SPDYE4: variants seen among roughly 807,000 people sequenced by gnomAD.
The protein encoded by SPDYE4 is speedy protein E4.
A neutral mutation model predicts 37.5 loss-of-function variants in SPDYE4; 30 were observed. The observed-to-expected ratio is 0.80, with a 90% CI of 0.60 to 1.09. The LOEUF (loss-of-function observed/expected upper bound fraction) is 1.09, where lower values mean the gene tolerates loss of function less well. Among genes scored for constraint, SPDYE4 ranks in the 50% least tolerant of loss-of-function variants. SPDYE4 has a pLI of 0.00. For synonymous variants in SPDYE4, 131 were observed against 120.3 expected (o/e 1.09, Z -0.58); for missense variants, 300 against 307.9 (o/e 0.97, Z 0.19).
chr17:8,755,472 G>C (rs1243872250), intron 4 of SPDYE4, 48 bp downstream of exon 4: 1 of 1,589,626 alleles, frequency 6.3e-7, no homozygotes. Flanking sequence ...TTCGTCCACT[G>C]TCCCAGGGTG....
At position 8,755,513 on chromosome 17, in the gene SPDYE4, TACTC is replaced by T. The variant is rs1340274928; in HGVS notation, c.485+3_485+6del. On this transcript the variant is annotated splice_donor_5th_base_variant and intron_variant, in intron 4 of 6. Coordinates refer to ENST00000689094, the MANE Select transcript of SPDYE4 (RefSeq NM_001394956.1). The stretch of plus-strand genomic sequence containing the variant: ...TATTGACAGATGGGAAGAAGCAAAC[TACTC>T]ACAGAGCCAGGAAGAAATGAATGCG... 6.2e-7 allele frequency: 1 copy of T among 1,611,072 alleles called. No individual in the cohort carries two copies. Among genetic ancestry groups the T allele is most frequent in the South Asian group, 1.1e-5 (1 of 90,986 alleles).
chr17:8,758,358 G>A lies in SPDYE4; in HGVS notation c.25C>T (p.Pro9Ser), dbSNP rs923982978. Reference protein sequence around the residue: MASGQARPPFEEESPQPST... With the variant: MASGQARPSFEEESPQPST... ...GGCTGGGGGCTCTCCTCCTCAAACG[G>A]GGGGCGCGCTTGACCACTGGCCATA... Residue 9 changes from proline (P) to serine (S), a missense_variant, in exon 1 of 7, where the codon CCG (proline) becomes TCG (serine). Coordinates refer to ENST00000689094, the MANE Select transcript of SPDYE4 (RefSeq NM_001394956.1). 6.4e-7 allele frequency: 1 copy of A among 1,551,226 alleles called. No homozygotes were observed. The highest frequency in any genetic ancestry group is 2.0e-5 in the Admixed American group (1 of 50,974).
chr17:8,748,470 C>T (rs892312739), downstream of SPDYE4, among the ~76,000 whole-genome samples: 35 of 152,280 alleles, frequency 2.3e-4, no homozygotes, highest in South Asian at 1.0e-3. Flanking sequence ...GCAAATGGGC[C>T]CTCACCAGAC....
In SPDYE4 at chr17:8,755,571, C is replaced by T. The variant is rs571058685; in HGVS notation, c.434G>A (p.Arg145His). The change falls in exon 4 of 7, where the codon CGT becomes CAT. Residue 145 changes from arginine (R) to histidine (H), a missense_variant. Arg to His is a conservative substitution (Grantham distance 29). Transcript: ENST00000689094. Reference protein sequence around the residue: ...LLAMVIAYFSRAGLFSWQYQR... With the variant: ...LLAMVIAYFSHAGLFSWQYQR... The stretch of plus-strand genomic sequence containing the variant: ...GTATTGCCACGAGAAGAGGCCGGCA[C>T]GGCTAAAATACGCTATGACCATAGC... 1.8e-5 allele frequency: 29 copies of T among 1,612,498 alleles called. No individual in the cohort carries two copies. Among genetic ancestry groups the T allele is most frequent in the Middle Eastern group, 1.9e-4 (1 of 5,330 alleles).
chr17:8,756,029 A>C lies in SPDYE4; in HGVS notation c.399+349T>G, dbSNP rs571150289. On this transcript the variant is annotated intron_variant, in intron 3 of 6. Transcript: ENST00000689094. ...CATCAACTATGCAACAGGCTACCAG[A>C]GCCCCGAGGGAGATGCTGACAAATT... Among the ~76,000 whole-genome samples, 3 of 152,220 alleles carry C rather than the reference A, an allele frequency of 2.0e-5. No homozygotes were observed. The South Asian group carries it at 6.2e-4, about 32-fold the overall frequency.
Position 8,753,123 on chromosome 17 carries a change from C to T in SPDYE4, c.*15G>A. 6.2e-7 allele frequency: 1 copy of T among 1,614,054 alleles called. No homozygotes were observed. The highest frequency in any genetic ancestry group is 8.5e-7 in the Non-Finnish European group (1 of 1,179,988). ...CCTCAGGCCGATGACCTCAGGCCTC[C>T]ATGTCCCCGGAGCTCTAGGAAATGA... is the stretch of plus-strand genomic sequence containing the variant. On this transcript the variant is annotated 3_prime_UTR_variant, in exon 6 of 7. Transcript: ENST00000689094.
intron 4 of SPDYE4, 100 bp downstream of exon 4, chr17:8,755,420 G>A: frequency 7.3e-7 from 1 of 1,368,868 alleles, no homozygotes. Flanking sequence ...GAGTAAAGAG[G>A]AGAAGTAGGG....
intron 1 of SPDYE4, among the ~76,000 whole-genome samples, 151 bp from the exon 2 acceptor site, chr17:8,757,643 G>T (rs979329109): frequency 1.4e-5 from 2 of 141,500 alleles, no homozygotes; most frequent in Non-Finnish European, 3.2e-5. Context: ...CTCCTTTGCT[G>T]ATCCCCATCT....
intron 6 of SPDYE4, among the ~76,000 whole-genome samples, chr17:8,752,735 T>C (rs1376853871): frequency 6.6e-6 from 1 of 152,158 alleles, no homozygotes; most frequent in Non-Finnish European, 1.5e-5. Context: ...AAATCTTCAC[T>C]GAATCCTTTC....
downstream of SPDYE4, among the ~76,000 whole-genome samples, chr17:8,748,410 C>T (rs1375295550): frequency 6.6e-6 from 1 of 152,202 alleles, no homozygotes; most frequent in African/African-American, 2.4e-5. Flanking sequence ...GACTTCCTGG[C>T]CTCTAGAACT....
intron 2 of SPDYE4, 49 bp from the exon 3 acceptor site, chr17:8,756,485 G>A (rs776470218): frequency 6.0e-5 from 95 of 1,572,760 alleles, no homozygotes; most frequent in Non-Finnish European, 7.5e-5. Flanking sequence ...CAGGGTTGCC[G>A]TGGGAGCAGC....
intron 4 of SPDYE4, 49 bp from the exon 5 acceptor site, chr17:8,753,538 C>G (rs556305105): frequency 3.2e-4 from 509 of 1,600,912 alleles, no homozygotes; most frequent in Non-Finnish European, 4.0e-4. Context: ...CAGGAGGGAC[C>G]CCTGCCTGAG....
downstream of SPDYE4, among the ~76,000 whole-genome samples, chr17:8,748,797 A>T (rs1164398614): frequency 6.6e-6 from 1 of 152,184 alleles, no homozygotes; most frequent in African/African-American, 2.4e-5. Flanking sequence ...TGTATTTTTC[A>T]TGCTTACTGC....
downstream of SPDYE4, among the ~76,000 whole-genome samples, chr17:8,748,861 A>G (rs2086707700): frequency 6.6e-6 from 1 of 152,182 alleles, no homozygotes; most frequent in Admixed American, 6.5e-5. Flanking sequence ...GGATGCAGCA[A>G]GGGACAGGAA....
downstream of SPDYE4, among the ~76,000 whole-genome samples, chr17:8,750,087 T>G (rs1238510889): frequency 6.6e-6 from 1 of 152,166 alleles, no homozygotes; most frequent in Admixed American, 6.5e-5. Flanking sequence ...CTGTCATAAA[T>G]AGTTTTACTG....
Position 8,758,365 on chromosome 17 carries a change from C to T in SPDYE4, c.18G>A (p.Ala6=), listed in dbSNP as rs1417061963. 2.1e-5 allele frequency: 33 copies of T among 1,551,630 alleles called. No homozygotes were observed. The East Asian group carries it at 5.1e-4, about 24-fold the overall frequency. Residue 6 remains alanine, a synonymous_variant, in exon 1 of 7, where the codon GCG becomes GCA. Coordinates refer to ENST00000689094, the MANE Select transcript of SPDYE4 (RefSeq NM_001394956.1). The part of the protein sequence containing the change: MASGQ[A]RPPFEEESPQ... ...GGCTCTCCTCCTCAAACGGGGGGCG[C>T]GCTTGACCACTGGCCATAATCTCTC...
Position 8,750,948 on chromosome 17 carries a change from CAT to C in SPDYE4, c.*1332_*1333del, listed in dbSNP as rs1446848567. ...ACAGCTCCTGTCCTCCTTTCAAACA[CAT>C]GTCCTCTTTAAAGTAACATACAAAC... On this transcript the variant is annotated 3_prime_UTR_variant, in exon 7 of 7. Coordinates refer to ENST00000689094, the MANE Select transcript of SPDYE4 (RefSeq NM_001394956.1). Among the ~76,000 whole-genome samples the C allele has an allele frequency of 6.6e-6, 1 of 152,236 alleles. No individual in the cohort carries two copies. The highest frequency in any genetic ancestry group is 1.5e-5 in the Non-Finnish European group (1 of 68,042).
intron 4 of SPDYE4, 187 bp downstream of exon 4, chr17:8,755,333 G>A (rs1468960657): frequency 5.3e-6 from 4 of 755,034 alleles, no homozygotes; most frequent in East Asian, 3.0e-5. Context: ...TCTACTATTT[G>A]TCAACTGCAT....
At chr17:8,753,276 A>AGCC in intron 5 of SPDYE4, 45 bp downstream of exon 5, 1 of 1,214,478 alleles carries the variant, frequency 8.2e-7, no homozygotes, top group Non-Finnish European at 1.2e-6. Flanking sequence ...CCTCCAGTCC[A>AGCC]CCCCATCCCT....
Sources: gnomAD v4.1 joint callset for allele counts (sites outside exome capture counted in the v4.1 genomes callset) on GRCh38, gnomAD v4.1.1 for gene constraint, MANE v1.5 for transcripts, NCBI Gene and HGNC (gene_info 2026-07-23, HGNC 2026-07-21) for gene names.